GLDC: variants seen among roughly 807,000 people sequenced by gnomAD.
GLDC encodes glycine decarboxylase.
A neutral mutation model predicts 121.3 loss-of-function variants in GLDC; 104 were observed. The observed-to-expected ratio is 0.86, with a 90% CI of 0.73 to 1.01. The LOEUF (loss-of-function observed/expected upper bound fraction) is 1.01, where lower values mean the gene tolerates loss of function less well. GLDC is among the 50% of genes least tolerant of loss of function. The pLI is 0.00. For missense variants in GLDC, 1,429 were observed against 1,306.6 expected (o/e 1.09, Z -1.44); for synonymous variants, 546 against 480.6 (o/e 1.14, Z -1.78).
intron 21 of GLDC, among the ~76,000 whole-genome samples, chr9:6,545,070 G>C (rs188685383): frequency 1.3e-3 from 196 of 150,864 alleles, no homozygotes; most frequent in Non-Finnish European, 2.4e-3. Flanking sequence ...TTGCAATCCA[G>C]TCTGGGTAAC....
intron 16 of GLDC, 148 bp from the exon 17 acceptor site, chr9:6,558,832 A>T: frequency 1.1e-6 from 1 of 880,870 alleles, no homozygotes; most frequent in Non-Finnish European, 1.8e-6. Flanking sequence ...AATCTGCTAC[A>T]ATTTAATTAT....
chr9:6,584,028 G>T (rs535440811), intron 15 of GLDC, among the ~76,000 whole-genome samples: 23 of 152,260 alleles, frequency 1.5e-4, no homozygotes, highest in African/African-American at 5.5e-4. Context: ...AGTAAATTTT[G>T]TGTTATGTAT....
chr9:6,565,862 CTA>C (rs1321893058), intron 15 of GLDC: 5 of 316,136 alleles, frequency 1.6e-5, no homozygotes, highest in African/African-American at 1.1e-4. Flanking sequence ...TCATGCTGAA[CTA>C]TATATTTTGA....
intron 8 of GLDC, among the ~76,000 whole-genome samples, chr9:6,597,912 CGATGGAGCGAG>C (rs76025807): frequency 3.3e-5 from 5 of 151,290 alleles, no homozygotes; most frequent in Admixed American, 6.6e-5. Flanking sequence ...CCAGCCTGGG[CGATGGAGCGAG>C]ACTCGTCTCC....
intron 22 of GLDC, 137 bp from the exon 23 acceptor site, chr9:6,536,373 C>G: frequency 1.2e-6 from 1 of 805,932 alleles, no homozygotes; most frequent in Non-Finnish European, 2.1e-6. Context: ...TATGTGGGGA[C>G]TCATCTCAGT....
At chr9:6,539,382 G>C (rs1817205349) in intron 22 of GLDC, among the ~76,000 whole-genome samples, 1 of 152,130 alleles carries the variant, frequency 6.6e-6, no homozygotes, top group Admixed American at 6.5e-5. Flanking sequence ...GGGAGGCTGA[G>C]GCATGAGAAT....
rs773564680 is a variant in GLDC, at chr9:6,589,177, C to T, written c.1580+18G>A. On this transcript the variant is annotated intron_variant, in intron 12 of 24. Transcript: ENST00000321612. ...TTACCAAAGCACAAAACGCAGAAGT[C>T]ACACAAGACACACAAACCTGTTGAA... 2 of 1,471,240 alleles carry T rather than the reference C, an allele frequency of 1.4e-6. No individual in the cohort carries two copies. Among genetic ancestry groups the T allele is most frequent in the Non-Finnish European group, 1.9e-6 (2 of 1,049,490 alleles). 91.1% of individuals were successfully genotyped at this position (1,471,240 alleles called of 1,614,324 possible).
At chr9:6,593,128 A>G in intron 9 of GLDC, 138 bp from the exon 10 acceptor site, 1 of 803,580 alleles carries the variant, frequency 1.2e-6, no homozygotes, top group Non-Finnish European at 2.1e-6. Context: ...TTGCTTTTTA[A>G]AAAACTAAAC....
chr9:6,564,365 T>C (rs564435888), intron 16 of GLDC, among the ~76,000 whole-genome samples: 1 of 152,240 alleles, frequency 6.6e-6, no homozygotes, highest in Admixed American at 6.5e-5. Flanking sequence ...TCGTTTCCCC[T>C]GTTATGAAAG....
intron 2 of GLDC, among the ~76,000 whole-genome samples, chr9:6,629,958 T>TATATATATGTATATATATATATATATA: frequency 1.3e-5 from 1 of 78,680 alleles, no homozygotes; most frequent in Non-Finnish European, 2.4e-5. Context: ...TATATATATA[T>TATATATATGTATATATATATATATATA]TTTTTTTTTT....
chr9:6,603,777 T>C (rs1251484950), intron 7 of GLDC, among the ~76,000 whole-genome samples: 1 of 150,056 alleles, frequency 6.7e-6, no homozygotes, highest in East Asian at 2.0e-4. Flanking sequence ...GCACCCAAAC[T>C]GGAGTGAGGC....
rs141601131 is a variant in GLDC at position 6,645,310 on chromosome 9, C to A, written c.190G>T (p.Ala64Ser). ...ERLLPRHDDFARRHIGPGDKD... is the reference protein window; with the variant it reads ...ERLLPRHDDFSRRHIGPGDKD... The stretch of plus-strand genomic sequence containing the variant: ...TCCCCAGGGCCGATGTGCCTCCGAG[C>A]GAAGTCGTCGTGTCTGGGCAGAAGG... The change falls in exon 1 of 25, where the codon GCT (alanine) becomes TCT (serine). Residue 64 changes from alanine (A) to serine (S), a missense_variant. Coordinates refer to ENST00000321612, the MANE Select transcript of GLDC (RefSeq NM_000170.3). 424 of 1,594,386 alleles carry A rather than the reference C, an allele frequency of 2.7e-4. 1 individual carries two copies. Among genetic ancestry groups the A allele is most frequent in the Middle Eastern group, 2.6e-3 (13 of 5,012 alleles).
At chr9:6,643,095 G>A (rs1323569977) in intron 2 of GLDC, among the ~76,000 whole-genome samples, 2 of 151,708 alleles carry the variant, frequency 1.3e-5, no homozygotes, top group Non-Finnish European at 2.9e-5. Context: ...ATGGGGTCTC[G>A]CAATATTGCC....
intron 2 of GLDC, among the ~76,000 whole-genome samples, chr9:6,622,119 C>T (rs961596816): frequency 1.3e-5 from 2 of 151,266 alleles, no homozygotes; most frequent in Non-Finnish European, 2.9e-5. Context: ...CAATCTTTAT[C>T]CTCAAGTAAA....
At position 6,606,778 on chromosome 9, in the gene GLDC, A is replaced by G. The variant is rs183097202; in HGVS notation, c.636-109T>C. ...GAGGGTAAGTCTAAGCACAGTATAAAAAATACTGAGTAGGCCGGGTGCGGT... is the reference window on the plus strand; with the variant it reads ...GAGGGTAAGTCTAAGCACAGTATAAGAAATACTGAGTAGGCCGGGTGCGGT... On this transcript the variant is annotated intron_variant, in intron 4 of 24. Coordinates refer to ENST00000321612, the MANE Select transcript of GLDC (RefSeq NM_000170.3). The G allele has an allele frequency of 4.1e-3, 3,274 of 789,306 alleles. 26 individuals carry two copies. Among genetic ancestry groups the G allele is most frequent in the South Asian group, 0.011 (828 of 73,552 alleles). The allele number at this position is 789,306 out of a possible 1,614,324, so 48.9% of individuals were successfully genotyped here. A position where few individuals can be genotyped will look rare whatever the true frequency, so the allele number is the denominator to read the frequency against.
intron 5 of GLDC, 184 bp from the exon 6 acceptor site, chr9:6,605,462 C>G (rs1038884004): frequency 9.1e-6 from 6 of 657,530 alleles, no homozygotes; most frequent in African/African-American, 7.1e-5. Flanking sequence ...TCAAGCGCAT[C>G]CAACAGCTCT....
Position 6,604,712 on chromosome 9 carries a change from T to C in GLDC, c.934A>G (p.Ile312Val), listed in dbSNP as rs1351445046. The C allele has an allele frequency of 1.9e-5, 30 of 1,614,060 alleles. 1 individual carries two copies. In the Admixed American group the frequency reaches 2.8e-4, roughly 15 times the overall value. Residue 312 changes from isoleucine to valine, a missense_variant, in exon 7 of 25, where the codon ATC (isoleucine) becomes GTC (valine). Physicochemically the swap from Ile to Val is conservative, Grantham distance 29. Coordinates refer to ENST00000321612, the MANE Select transcript of GLDC (RefSeq NM_000170.3). ...AATCTCTGGGAGCTGCCCAGGGCGA[T>C]GTCTACCCCAAATTCTCCAGGTGGC... ...LRPPGEFGVDIALGSSQRFGV... is the reference protein window; with the variant it reads ...LRPPGEFGVDVALGSSQRFGV...
intron 2 of GLDC, among the ~76,000 whole-genome samples, chr9:6,641,078 T>C (rs545814026): frequency 1.3e-5 from 2 of 152,180 alleles, no homozygotes; most frequent in Non-Finnish European, 1.5e-5. Flanking sequence ...AGCCAGTTCA[T>C]GATCAAAGTA....
At position 6,532,908 on chromosome 9, in the gene GLDC, G is replaced by C; in HGVS notation, c.*109C>G. 1 of 806,896 alleles carries C rather than the reference G, an allele frequency of 1.2e-6. No homozygotes were observed. The highest frequency in any genetic ancestry group is 1.3e-5 in the South Asian group (1 of 74,236). The allele number at this position is 806,896 out of a possible 1,614,324, so 50.0% of individuals were successfully genotyped here. A position where few individuals can be genotyped will look rare whatever the true frequency, so the allele number is the denominator to read the frequency against. On this transcript the variant is annotated 3_prime_UTR_variant, in exon 25 of 25. Coordinates refer to ENST00000321612, the MANE Select transcript of GLDC (RefSeq NM_000170.3). Reference sequence around the variant, plus strand: ...GACAGAGATTACAGAGATATACACAGTATATAAAACTCCTACTTGAGGCTG... The same window carrying C: ...GACAGAGATTACAGAGATATACACACTATATAAAACTCCTACTTGAGGCTG...
Sources: gnomAD v4.1 joint callset for allele counts (sites outside exome capture counted in the v4.1 genomes callset) on GRCh38, gnomAD v4.1.1 for gene constraint, MANE v1.5 for transcripts, NCBI Gene and HGNC (gene_info 2026-07-23, HGNC 2026-07-21) for gene names.